The following CRPPA variants were observed in gnomAD, a reference collection of about 807,000 sequenced individuals.
The protein encoded by CRPPA is D-ribitol-5-phosphate cytidylyltransferase.
Under a neutral mutation model 52.0 loss-of-function variants are expected in CRPPA, and 43 were observed. That is an observed-to-expected ratio of 0.83 (90% CI 0.65 to 1.07). CRPPA has a LOEUF of 1.07. Ranked by LOEUF, CRPPA falls within the 50% of genes least tolerant of loss-of-function variation. The probability of loss-of-function intolerance (pLI) is 0.00; values close to 1 mark genes in which losing one functional copy is unlikely to be tolerated. For synonymous variants in CRPPA, 250 were observed against 203.5 expected (o/e 1.23, Z -1.94); for missense variants, 629 against 551.7 (o/e 1.14, Z -1.40).
intron 8 of CRPPA, among the ~76,000 whole-genome samples, chr7:16,239,327 T>C (rs978669251): frequency 2.6e-5 from 4 of 151,798 alleles, no homozygotes; most frequent in Non-Finnish European, 5.9e-5. Context: ...CCATGCTCAT[T>C]TTACAAGTTA....
intron 9 of CRPPA, among the ~76,000 whole-genome samples, chr7:16,174,833 C>T (rs1052832829): frequency 1.3e-5 from 2 of 152,152 alleles, no homozygotes; most frequent in Non-Finnish European, 2.9e-5. Context: ...GGAACCCTTA[C>T]ATTATTCAGC....
At chr7:16,224,011 C>T (rs1321543821) in intron 8 of CRPPA, among the ~76,000 whole-genome samples, 3 of 152,172 alleles carry the variant, frequency 2.0e-5, no homozygotes, top group Non-Finnish European at 4.4e-5. Flanking sequence ...GCCTATCCTT[C>T]TGCCCCCCAC....
At chr7:16,332,458 A>C (rs1007629327) in intron 3 of CRPPA, among the ~76,000 whole-genome samples, 1 of 152,212 alleles carries the variant, frequency 6.6e-6, no homozygotes, top group Non-Finnish European at 1.5e-5. Context: ...AAATGTGTAC[A>C]TATACATGCT....
chr7:16,153,125 AAACT>A (rs1328120842), intron 9 of CRPPA, among the ~76,000 whole-genome samples: 2 of 152,210 alleles, frequency 1.3e-5, no homozygotes, highest in Admixed American at 6.5e-5. Context: ...GCTTTACATA[AAACT>A]AACAATGCCA....
At chr7:16,230,141 T>C (rs373888643) in intron 8 of CRPPA, among the ~76,000 whole-genome samples, 1 of 152,166 alleles carries the variant, frequency 6.6e-6, no homozygotes. Flanking sequence ...TAAATTTGAT[T>C]GGAGACCTTT....
intron 9 of CRPPA, among the ~76,000 whole-genome samples, chr7:16,159,397 C>T (rs1238867079): frequency 6.6e-6 from 1 of 152,084 alleles, no homozygotes; most frequent in Non-Finnish European, 1.5e-5. Flanking sequence ...CCTCCCTGTG[C>T]CCATATGTTC....
intron 9 of CRPPA, among the ~76,000 whole-genome samples, chr7:16,204,591 C>T (rs775389586): frequency 1.2e-4 from 19 of 152,020 alleles, no homozygotes; most frequent in Admixed American, 3.3e-4. Flanking sequence ...ACGCATGTAA[C>T]AAAATTGCAC....
rs564675475 is a variant in CRPPA at position 16,331,351 on chromosome 7, A to C, written c.685-22724T>G. On this transcript the variant is annotated intron_variant, in intron 3 of 9. Coordinates refer to ENST00000407010, the MANE Select transcript of CRPPA (RefSeq NM_001101426.4). ...CACTAATACACTGTGATCTAATCATAGGACTATGGAATGCTTTCCCGCCCC... is the reference window on the plus strand; with the variant it reads ...CACTAATACACTGTGATCTAATCATCGGACTATGGAATGCTTTCCCGCCCC... 4.6e-4 allele frequency among the ~76,000 whole-genome samples: 70 copies of C among 152,292 alleles called. 1 individual carries two copies. The highest frequency in any genetic ancestry group is 1.0e-3 in the South Asian group (5 of 4,826).
chr7:16,320,624 T>C (rs1339172073), intron 3 of CRPPA, among the ~76,000 whole-genome samples: 1 of 152,058 alleles, frequency 6.6e-6, no homozygotes, highest in Non-Finnish European at 1.5e-5. Flanking sequence ...AAATCAAAGG[T>C]ATGCATGCAC....
chr7:16,196,109 G>A (rs1781728069), intron 9 of CRPPA, among the ~76,000 whole-genome samples: 1 of 152,110 alleles, frequency 6.6e-6, no homozygotes, highest in Admixed American at 6.5e-5. Flanking sequence ...ACAAACATGT[G>A]TATAGAAATA....
At chr7:16,142,572 ACTT>A (rs912607750) in intron 9 of CRPPA, among the ~76,000 whole-genome samples, 13 of 152,310 alleles carry the variant, frequency 8.5e-5, no homozygotes, top group African/African-American at 2.9e-4. Flanking sequence ...AGTAGTTCCC[ACTT>A]CTTTAAGTAA....
chr7:16,201,838 T>C (rs1392872427), intron 9 of CRPPA, among the ~76,000 whole-genome samples: 2 of 152,210 alleles, frequency 1.3e-5, no homozygotes, highest in Non-Finnish European at 2.9e-5. Context: ...ACTGATTTGT[T>C]TCTTACTTTC....
intron 2 of CRPPA, among the ~76,000 whole-genome samples, chr7:16,398,983 C>T (rs1021310396): frequency 2.6e-5 from 4 of 152,142 alleles, no homozygotes; most frequent in Non-Finnish European, 4.4e-5. Flanking sequence ...AGCCCATGGC[C>T]GGAATGTGAT....
intron 3 of CRPPA, among the ~76,000 whole-genome samples, chr7:16,350,124 T>A (rs535790048): frequency 1.6e-4 from 24 of 149,660 alleles, no homozygotes; most frequent in South Asian, 1.1e-3. Context: ...AAAAAAAAAA[T>A]GTCAACCAAG....
chr7:16,418,312 A>G (rs916876679), intron 1 of CRPPA, among the ~76,000 whole-genome samples: 11 of 152,200 alleles, frequency 7.2e-5, no homozygotes, highest in African/African-American at 2.7e-4. Flanking sequence ...ATGAGTTACT[A>G]TTGCTATTAG....
intron 6 of CRPPA, chr7:16,269,300 TA>T (rs35621017): frequency 0.79 from 118,188 of 150,104 alleles, 46,936 homozygotes; most frequent in African/African-American, 0.92. Flanking sequence ...ATCCAATAAC[TA>T]AAAAAAAAAA....
chr7:16,184,886 C>A lies in CRPPA; in HGVS notation c.1251+31180G>T, dbSNP rs183167893. Among the ~76,000 whole-genome samples the A allele has an allele frequency of 8.6e-4, 131 of 152,256 alleles. 1 individual carries two copies. Among genetic ancestry groups the A allele is most frequent in the Non-Finnish European group, 1.7e-3 (114 of 68,018 alleles). The stretch of plus-strand genomic sequence containing the variant: ...GATTTTTAATAAACTCATACTCTAC[C>A]ACTGAGGGTATACATCAGCTTATTT... On this transcript the variant is annotated intron_variant, in intron 9 of 9. Coordinates refer to ENST00000407010, the MANE Select transcript of CRPPA (RefSeq NM_001101426.4).
chr7:16,312,524 T>C (rs1353944089), intron 3 of CRPPA, among the ~76,000 whole-genome samples: 2 of 151,992 alleles, frequency 1.3e-5, no homozygotes, highest in African/African-American at 4.8e-5. Flanking sequence ...AGATTTCCCA[T>C]ACAGACAATC....
At position 16,148,769 on chromosome 7, in the gene CRPPA, C is replaced by T. The variant is rs80091706; in HGVS notation, c.1252-56970G>A. Among the ~76,000 whole-genome samples the T allele has an allele frequency of 5.5e-3, 844 of 152,106 alleles. 7 individuals are homozygous for T. The highest frequency in any genetic ancestry group is 0.019 in the African/African-American group (785 of 41,520). ...AAGTCCGTGATAATATTATGGAATG[C>T]ATTAGCTATTATAATTTTTGCATAT... On this transcript the variant is annotated intron_variant, in intron 9 of 9. Transcript: ENST00000407010.
Sources: allele counts gnomAD v4.1 joint callset (sites outside exome capture counted in the v4.1 genomes callset), GRCh38; gene constraint gnomAD v4.1.1; transcripts MANE v1.5; gene names NCBI Gene and HGNC (gene_info 2026-07-23, HGNC 2026-07-21).